The following TRRAP variants were observed in gnomAD, a reference collection of about 807,000 sequenced individuals.
The protein encoded by TRRAP is transformation/transcription domain associated protein, also known as transformation/transcription domain-associated protein.
A neutral mutation model predicts 438.8 loss-of-function variants in TRRAP; 41 were observed. The observed-to-expected ratio is 0.09, with a 90% CI of 0.07 to 0.12. The LOEUF (loss-of-function observed/expected upper bound fraction) is 0.12. Among genes scored for constraint, TRRAP ranks in the 10% least tolerant of loss-of-function variants. TRRAP has a pLI of 1.00. For synonymous variants in TRRAP, 1,994 were observed against 1,962.9 expected (o/e 1.02, Z -0.42); for missense variants, 3,122 against 5,055.1 (o/e 0.62, Z 11.60).
At chr7:98,911,389 C>T in intron 17 of TRRAP, 118 bp downstream of exon 17, 2 of 1,023,870 alleles carry the variant, frequency 2.0e-6, no homozygotes, top group Non-Finnish European at 2.7e-6. Flanking sequence ...GTGCTTATAG[C>T]TCAAAATTTA....
chr7:98,885,662 T>G (rs1438900437), intron 3 of TRRAP, among the ~76,000 whole-genome samples: 1 of 151,178 alleles, frequency 6.6e-6, no homozygotes, highest in African/African-American at 2.4e-5. Flanking sequence ...AAACAAGCTG[T>G]TTAAAATATA....
At position 98,954,487 on chromosome 7, in the gene TRRAP, G is replaced by A. The variant is rs181662442; in HGVS notation, c.5731-611G>A. On this transcript the variant is annotated intron_variant, in intron 40 of 72. Transcript: ENST00000456197. ...TCTCTCACATCCCCTCCCATGGGTC[G>A]TTGAGCTAGAACTCCAGCCTCGGGG... Among the ~76,000 whole-genome samples the A allele has an allele frequency of 7.9e-5, 12 of 152,276 alleles. No individual in the cohort carries two copies. The East Asian group carries it at 9.7e-4, about 12-fold the overall frequency.
rs1330531529 is a variant in TRRAP, at chr7:99,012,099, G to A, written c.11366G>A (p.Arg3789Gln). The change falls in exon 73 of 73, where the codon CGG (arginine) becomes CAG (glutamine). Residue 3789 changes from arginine to glutamine, a missense_variant. This residue lies in a region of TRRAP where 192 missense variants were observed against 355.6 expected (regional missense o/e 0.54). Transcript: ENST00000456197. This position sits in a 1 kb window ranked among gnomAD's most constrained non-coding sequence, Gnocchi z 5.9. ...GATGGCATTCTGAAAACGGTTCTCC[G>A]GGACGAGATCATTGCTTGGCACAAA... is the stretch of plus-strand genomic sequence containing the variant. ...KVDGILKTVLRDEIIAWHKKT... is the reference protein window; with the variant it reads ...KVDGILKTVLQDEIIAWHKKT... The A allele has an allele frequency of 1.9e-6, 3 of 1,613,800 alleles. No homozygotes were observed. Among genetic ancestry groups the A allele is most frequent in the Non-Finnish European group, 2.5e-6 (3 of 1,179,836 alleles).
chr7:98,884,863 C>T (rs143654599), intron 3 of TRRAP, among the ~76,000 whole-genome samples: 23 of 152,076 alleles, frequency 1.5e-4, no homozygotes, highest in East Asian at 9.6e-4. Flanking sequence ...AGTCATGCTC[C>T]GGTACTGGCC....
chr7:98,910,678 G>C, intron 16 of TRRAP, 71 bp downstream of exon 16: 1 of 1,337,554 alleles, frequency 7.5e-7, no homozygotes, highest in Non-Finnish European at 1.0e-6. Flanking sequence ...TCATAGTGGT[G>C]GGGTGGCAGT....
rs1441961904 is a variant in TRRAP at position 98,930,662 on chromosome 7, C to T, written c.3423C>T (p.Ile1141=). The T allele has an allele frequency of 8.7e-6, 14 of 1,613,886 alleles. No homozygotes were observed. The highest frequency in any genetic ancestry group is 2.2e-5 in the East Asian group (1 of 44,892). ...GCCAGCTGCCCCTGTTTTCTTACAT[C>T]GTGGAGCGCCTGTGTGCATGTTGTT... ...RACQLPLFSY[I]VERLCACCYE... The change falls in exon 25 of 73, where the codon ATC becomes ATT. Residue 1141 remains isoleucine, a synonymous_variant. Coordinates refer to ENST00000456197, the MANE Select transcript of TRRAP (RefSeq NM_001375524.1).
intron 20 of TRRAP, among the ~76,000 whole-genome samples, chr7:98,920,427 A>T (rs1584312466): frequency 6.6e-6 from 1 of 151,446 alleles, no homozygotes; most frequent in South Asian, 2.1e-4. Context: ...CCGAGATTGC[A>T]CCACTGCACT....
At chr7:98,961,652 G>T (rs1365757886) in intron 46 of TRRAP, among the ~76,000 whole-genome samples, 178 bp downstream of exon 46, 1 of 152,236 alleles carries the variant, frequency 6.6e-6, no homozygotes, top group Non-Finnish European at 1.5e-5. Context: ...GGGTGTGGTG[G>T]CTCACGCCTG....
In TRRAP at chr7:98,976,229, C is replaced by T; in HGVS notation, c.7920C>T (p.Phe2640=). The part of the protein sequence containing the change: ...TLAEKTWVQL[F]PRLWKILSDR... ...CAGAGAAGACGTGGGTCCAGCTTTT[C>T]CCCAGATTGTGGAAGATCCTCTCTG... Residue 2640 remains phenylalanine (F), a synonymous_variant, in exon 54 of 73, where the codon TTC becomes TTT. Coordinates refer to ENST00000456197, the MANE Select transcript of TRRAP (RefSeq NM_001375524.1). The surrounding 1 kb of genome is among the most constrained non-coding windows in gnomAD (Gnocchi z 4.6). 1.2e-6 allele frequency: 2 copies of T among 1,614,184 alleles called. No individual in the cohort carries two copies. The highest frequency in any genetic ancestry group is 1.7e-6 in the Non-Finnish European group (2 of 1,180,018).
chr7:98,984,247 G>C lies in TRRAP; in HGVS notation c.9177G>C (p.Arg3059=). ...ATGTAGCTCTGGATATATTAAGTCG[G>C]ATTCATACTATTCCAACTGTTCCTA... is the stretch of plus-strand genomic sequence containing the variant. The part of the protein sequence containing the change: ...LVNVALDILS[R]IHTIPTVPIV... Residue 3059 remains arginine (R), a synonymous_variant, in exon 61 of 73, where the codon CGG becomes CGC. Transcript: ENST00000456197. 1 of 1,614,006 alleles carries C rather than the reference G, an allele frequency of 6.2e-7. No homozygotes were observed.
chr7:98,957,522 G>A (rs1426380362), intron 43 of TRRAP, among the ~76,000 whole-genome samples: 6 of 152,138 alleles, frequency 3.9e-5, no homozygotes, highest in African/African-American at 4.8e-5. Flanking sequence ...TCCAGGGCCC[G>A]GGTGACCAGG....
At position 98,893,888 on chromosome 7, in the gene TRRAP, T is replaced by C; in HGVS notation, c.450+7T>C. ...GCCACCGATCACACAAGAAGTAAGT[T>C]GTTTAAAATCCTTATAGCATTTATA... On this transcript the variant is annotated splice_region_variant and intron_variant, in intron 6 of 72. Coordinates refer to ENST00000456197, the MANE Select transcript of TRRAP (RefSeq NM_001375524.1). 1 of 1,612,370 alleles carries C rather than the reference T, an allele frequency of 6.2e-7. No individual in the cohort carries two copies. Among genetic ancestry groups the C allele is most frequent in the African/African-American group, 1.3e-5 (1 of 74,942 alleles).
chr7:99,009,066 T>C (rs562118422), intron 70 of TRRAP, among the ~76,000 whole-genome samples: 1 of 152,278 alleles, frequency 6.6e-6, no homozygotes, highest in African/African-American at 2.4e-5. Context: ...TTCGGTTGCC[T>C]GAGCCCGGAG....
chr7:98,954,721 C>T (rs1554419102), intron 40 of TRRAP, among the ~76,000 whole-genome samples: 1 of 152,210 alleles, frequency 6.6e-6, no homozygotes, highest in Non-Finnish European at 1.5e-5. Context: ...GCTGCCGCTT[C>T]TCAGCGCCTC....
At chr7:98,932,266 A>G (rs1554413097) in intron 26 of TRRAP, among the ~76,000 whole-genome samples, 2 of 152,006 alleles carry the variant, frequency 1.3e-5, no homozygotes, top group East Asian at 3.9e-4. Context: ...GGTGCCCACC[A>G]CCACACCCGG....
At chr7:98,996,009 C>T (rs1318801337) in intron 67 of TRRAP, among the ~76,000 whole-genome samples, 1 of 149,908 alleles carries the variant, frequency 6.7e-6, no homozygotes, top group East Asian at 2.0e-4. Flanking sequence ...ACCCCCGTCC[C>T]ATCTACTCAC....
chr7:98,886,454 A>G (rs1306063555), intron 3 of TRRAP, among the ~76,000 whole-genome samples: 1 of 152,194 alleles, frequency 6.6e-6, no homozygotes, highest in African/African-American at 2.4e-5. Flanking sequence ...CTAGATAGAT[A>G]TAGATATCTA....
rs1794439876 is a variant in TRRAP at position 99,011,803 on chromosome 7, AGTC to A, written c.11338-266_11338-264del. Among the ~76,000 whole-genome samples, 1 of 152,278 alleles carries A rather than the reference AGTC, an allele frequency of 6.6e-6. No homozygotes were observed. The highest frequency in any genetic ancestry group is 2.1e-4 in the South Asian group (1 of 4,838). On this transcript the variant is annotated intron_variant, in intron 72 of 72. Coordinates refer to ENST00000456197, the MANE Select transcript of TRRAP (RefSeq NM_001375524.1). This position sits in a 1 kb window ranked among gnomAD's most constrained non-coding sequence, Gnocchi z 7.1. The stretch of plus-strand genomic sequence containing the variant: ...TGAACAAATAAACAGATTGGGCCTC[AGTC>A]GCAGCATGGCTGCCTTTGTCATCTA...
Position 98,948,567 on chromosome 7 carries a change from C to G in TRRAP, c.4670C>G (p.Ala1557Gly). ...MKTERAMLIE[A>G]GSPFREPLIK... ...GCAGCATTCCCACATGTTTTGCAGG[C>G]GGGGAGTCCATTCCGAGAGCCCCTG... The change falls in exon 35 of 73, where the codon GCG (alanine) becomes GGG (glycine). Residue 1557 changes from alanine (A) to glycine (G), a missense_variant and splice_region_variant. Around this residue, in one of 24 missense-constraint regions of TRRAP, gnomAD observed 108 missense variants for 256.9 expected, o/e 0.42. Coordinates refer to ENST00000456197, the MANE Select transcript of TRRAP (RefSeq NM_001375524.1). The surrounding 1 kb of genome is among the most constrained non-coding windows in gnomAD (Gnocchi z 4.9). 6.2e-7 allele frequency: 1 copy of G among 1,614,142 alleles called. No individual in the cohort carries two copies. Among genetic ancestry groups the G allele is most frequent in the Non-Finnish European group, 8.5e-7 (1 of 1,180,028 alleles).
Sources: allele counts gnomAD v4.1 joint callset (sites outside exome capture counted in the v4.1 genomes callset), GRCh38; gene constraint gnomAD v4.1.1; regional missense constraint gnomAD v4.1.1; non-coding constraint Gnocchi (gnomAD v3.1); transcripts MANE v1.5; gene names NCBI Gene and HGNC (gene_info 2026-07-23, HGNC 2026-07-21).